Variants in BRINP1 observed in about 807,000 individuals in gnomAD.
BRINP1 encodes the protein BMP/retinoic acid inducible neural specific 1, also known as BMP/retinoic acid-inducible neural-specific protein 1.
In BRINP1, 17 loss-of-function variants were observed where a neutral mutation model predicts 72.9. The ratio of observed to expected loss-of-function variants is 0.23; its 90% CI spans 0.16 to 0.35. BRINP1 has a LOEUF of 0.35. BRINP1 is among the 10% of genes least tolerant of loss of function. The pLI is 1.00. For synonymous variants in BRINP1, 418 were observed against 378.5 expected, an observed-to-expected ratio of 1.10 and a Z score of -1.21; for missense variants, 850 against 1,001.6, an observed-to-expected ratio of 0.85 and a Z score of 2.04.
chr9:119,168,067 T>A lies in BRINP1; in HGVS notation c.1303A>T (p.Ser435Cys). 5 of 1,610,266 alleles carry A rather than the reference T, an allele frequency of 3.1e-6. No individual in the cohort carries two copies. Among genetic ancestry groups the A allele is most frequent in the Non-Finnish European group, 4.2e-6 (5 of 1,177,596 alleles). Residue 435 changes from serine (S) to cysteine (C), a missense_variant, in exon 8 of 8, where the codon AGC becomes TGC. By Grantham distance (112) the Ser-to-Cys change is moderately radical. Transcript: ENST00000265922. ...TTGGCCAGGCTGCACATGGCGCAGCTGTTGTTCCCGCCTATCACGCAGGGG... is the reference window on the plus strand; with the variant it reads ...TTGGCCAGGCTGCACATGGCGCAGCAGTTGTTCCCGCCTATCACGCAGGGG... ...PIPCVIGGNN[S>C]CAMCSLANIS...
At chr9:119,326,993 TTG>T (rs1831248195) in intron 1 of BRINP1, among the ~76,000 whole-genome samples, 1 of 152,112 alleles carries the variant, frequency 6.6e-6, no homozygotes, top group Admixed American at 6.5e-5. Flanking sequence ...AAGGAGTGTG[TTG>T]TGAGTATGGA....
At chr9:119,338,876 C>T (rs1344091362) in intron 1 of BRINP1, among the ~76,000 whole-genome samples, 3 of 149,104 alleles carry the variant, frequency 2.0e-5, no homozygotes, top group Non-Finnish European at 3.0e-5. Context: ...CACAGGGAGA[C>T]TCCGTCTCAA....
At chr9:119,359,858 C>A (rs1831610636) in intron 1 of BRINP1, among the ~76,000 whole-genome samples, 1 of 152,170 alleles carries the variant, frequency 6.6e-6, no homozygotes, top group Non-Finnish European at 1.5e-5. Context: ...ACATGCTTGG[C>A]ACATCCACTT....
chr9:119,267,827 C>T (rs548864012), intron 2 of BRINP1, among the ~76,000 whole-genome samples: 3 of 151,842 alleles, frequency 2.0e-5, no homozygotes, highest in South Asian at 4.2e-4. Context: ...GAGAAGAGGC[C>T]GAAGGACTGA....
In BRINP1 at chr9:119,208,836, T is replaced by C. The variant is rs1248972406; in HGVS notation, c.1028A>G (p.Lys343Arg). ...TGCCTCCGTGGCACTCTGCAGGAGC[T>C]TGTAGCGGTTCTGCAGGTCCCAGTC... ...GNDWDLQNRY[K>R]LLQSATEAQR... Residue 343 changes from lysine to arginine, a missense_variant, in exon 7 of 8, where the codon AAG (lysine) becomes AGG (arginine). Transcript: ENST00000265922. 6.2e-7 allele frequency: 1 copy of C among 1,614,152 alleles called. No individual in the cohort carries two copies. The highest frequency in any genetic ancestry group is 8.5e-7 in the Non-Finnish European group (1 of 1,180,000).
In BRINP1 at chr9:119,369,289, C is replaced by CT; in HGVS notation, c.-285dup. On this transcript the variant is annotated 5_prime_UTR_variant, in exon 1 of 8. Transcript: ENST00000265922. ...CTCCGGAAGGCGGTCACTACTCCCT[C>CT]TGCCTCCCGGCTCTCTCGCTCTCGC... The CT allele has an allele frequency of 2.5e-6, 1 of 398,996 alleles. No homozygotes were observed. The highest frequency in any genetic ancestry group is 4.4e-6 in the Non-Finnish European group (1 of 226,364). 24.7% of individuals were successfully genotyped at this position (398,996 alleles called of 1,614,324 possible).
intron 7 of BRINP1, among the ~76,000 whole-genome samples, chr9:119,186,233 T>C (rs1259583331): frequency 6.6e-6 from 1 of 152,174 alleles, no homozygotes; most frequent in East Asian, 1.9e-4. Context: ...TAAACCAGCC[T>C]GTTGCCCCAC....
Position 119,183,730 on chromosome 9 carries a change from A to G in BRINP1, c.1146-15506T>C, listed in dbSNP as rs73530246. On this transcript the variant is annotated intron_variant, in intron 7 of 7. Coordinates refer to ENST00000265922, the MANE Select transcript of BRINP1 (RefSeq NM_014618.3). ...TTCATATCACTTTCCAACTTTCTGA[A>G]GCTCTTCTGTTTGTTCTCTAATTTT... Among the ~76,000 whole-genome samples, 1,074 of 152,308 alleles carry G rather than the reference A, an allele frequency of 7.1e-3. 15 individuals are homozygous for G. The highest frequency in any genetic ancestry group is 0.024 in the African/African-American group (1,001 of 41,564).
intron 7 of BRINP1, among the ~76,000 whole-genome samples, chr9:119,196,574 C>T (rs1829740476): frequency 6.6e-6 from 1 of 152,154 alleles, no homozygotes; most frequent in Non-Finnish European, 1.5e-5. Flanking sequence ...AAAGGTCTAA[C>T]CTTATTCAAT....
At chr9:119,225,673 G>T (rs1017814867) in intron 5 of BRINP1, among the ~76,000 whole-genome samples, 1 of 151,932 alleles carries the variant, frequency 6.6e-6, no homozygotes, top group African/African-American at 2.4e-5. Flanking sequence ...ACCAGAATAG[G>T]CAAATCTATA....
chr9:119,346,147 C>CT, intron 1 of BRINP1, among the ~76,000 whole-genome samples: 1 of 152,178 alleles, frequency 6.6e-6, no homozygotes, highest in Non-Finnish European at 1.5e-5. Flanking sequence ...AAAAGGTACT[C>CT]TATGTTTTTG....
chr9:119,264,326 C>T (rs915148141), intron 2 of BRINP1, among the ~76,000 whole-genome samples: 4 of 152,200 alleles, frequency 2.6e-5, no homozygotes, highest in Admixed American at 6.5e-5. Flanking sequence ...AGAACAAATG[C>T]CACCCACCTG....
chr9:119,335,681 C>T (rs1831339451), intron 1 of BRINP1, among the ~76,000 whole-genome samples: 1 of 152,150 alleles, frequency 6.6e-6, no homozygotes, highest in Non-Finnish European at 1.5e-5. Context: ...TAATGGACAC[C>T]TATCTAATAT....
chr9:119,177,723 A>C (rs1221469147), intron 7 of BRINP1, among the ~76,000 whole-genome samples: 1 of 152,168 alleles, frequency 6.6e-6, no homozygotes, highest in African/African-American at 2.4e-5. Context: ...AAAAGATGAA[A>C]GTTCCTGGTG....
intron 7 of BRINP1, among the ~76,000 whole-genome samples, chr9:119,174,085 G>A (rs1437985853): frequency 2.1e-5 from 3 of 143,332 alleles, no homozygotes; most frequent in Non-Finnish European, 4.4e-5. Flanking sequence ...AACACCAAAA[G>A]CAATGGCAAC....
intron 1 of BRINP1, among the ~76,000 whole-genome samples, chr9:119,345,181 CTGTCT>C (rs1417603648): frequency 6.6e-5 from 10 of 152,146 alleles, no homozygotes; most frequent in African/African-American, 2.2e-4. Flanking sequence ...CAGATTGATC[CTGTCT>C]TAAGTATATT....
At chr9:119,243,861 C>T (rs1830285501) in intron 3 of BRINP1, among the ~76,000 whole-genome samples, 1 of 152,044 alleles carries the variant, frequency 6.6e-6, no homozygotes, top group Admixed American at 6.6e-5. Context: ...TTTAATATAC[C>T]AGGTGAATAG....
At chr9:119,252,348 A>AT (rs1323217892) in intron 2 of BRINP1, among the ~76,000 whole-genome samples, 2 of 152,144 alleles carry the variant, frequency 1.3e-5, no homozygotes, top group Non-Finnish European at 2.9e-5. Flanking sequence ...GTGAGATAAT[A>AT]TTGTTTTAAG....
At chr9:119,307,769 T>A (rs991582731) in intron 2 of BRINP1, among the ~76,000 whole-genome samples, 1 of 152,190 alleles carries the variant, frequency 6.6e-6, no homozygotes, top group African/African-American at 2.4e-5. Flanking sequence ...AAAGAGGTTG[T>A]ACGGTTAAAA....
Sources: gnomAD v4.1 joint callset for allele counts (sites outside exome capture counted in the v4.1 genomes callset) on GRCh38, gnomAD v4.1.1 for gene constraint, MANE v1.5 for transcripts, NCBI Gene and HGNC (gene_info 2026-07-23, HGNC 2026-07-21) for gene names.